Variants in MTX2 observed in about 807,000 individuals in gnomAD.
MTX2 encodes metaxin-2.
A neutral mutation model predicts 42.3 loss-of-function variants in MTX2; 35 were observed. The observed-to-expected ratio is 0.83, with a 90% CI of 0.63 to 1.10. MTX2 has a LOEUF of 1.10. Among genes scored for constraint, MTX2 ranks in the 50% least tolerant of loss-of-function variants. The pLI is 0.00. For missense variants in MTX2, 307 were observed against 304.1 expected (o/e 1.01, Z -0.07); for synonymous variants, 119 against 100.9 (o/e 1.18, Z -1.08).
At chr2:176,296,469 A>AT (rs1374633038) in intron 1 of MTX2, among the ~76,000 whole-genome samples, 1 of 151,982 alleles carries the variant, frequency 6.6e-6, no homozygotes, top group Admixed American at 6.6e-5. Flanking sequence ...TTTCACTACA[A>AT]TTTTTTGTAG....
intron 1 of MTX2, among the ~76,000 whole-genome samples, chr2:176,272,404 C>G (rs1195481647): frequency 3.3e-5 from 5 of 152,070 alleles, no homozygotes. Flanking sequence ...TTGCTAAAGG[C>G]TTAGATTTAT....
chr2:176,318,887 C>A (rs1684508633), intron 3 of MTX2, among the ~76,000 whole-genome samples: 1 of 152,270 alleles, frequency 6.6e-6, no homozygotes, highest in South Asian at 2.1e-4. Flanking sequence ...AGCCACTAGC[C>A]ACACGTGCCT....
At chr2:176,324,022 A>C (rs534625214) in intron 4 of MTX2, among the ~76,000 whole-genome samples, 19 of 151,686 alleles carry the variant, frequency 1.3e-4, no homozygotes, top group African/African-American at 4.6e-4. Context: ...TCTTTATGTC[A>C]GTAGATTAAA....
intron 1 of MTX2, among the ~76,000 whole-genome samples, chr2:176,287,358 T>G (rs527690298): frequency 6.6e-6 from 1 of 152,336 alleles, no homozygotes; most frequent in South Asian, 2.1e-4. Flanking sequence ...ATACACTGAG[T>G]ATCCCCAATT....
intron 9 of MTX2, among the ~76,000 whole-genome samples, chr2:176,331,501 A>G (rs1684863116): frequency 1.3e-5 from 2 of 151,214 alleles, no homozygotes; most frequent in South Asian, 4.1e-4. Context: ...CTATAACCAT[A>G]TCAAACATAT....
intron 3 of MTX2, among the ~76,000 whole-genome samples, chr2:176,313,388 CTTTTTTTTTT>C (rs1207416607): frequency 3.9e-5 from 4 of 103,510 alleles, no homozygotes; most frequent in Admixed American, 1.1e-4. Context: ...TACACTGATT[CTTTTTTTTTT>C]TTTTTTTTTT....
intron 3 of MTX2, among the ~76,000 whole-genome samples, chr2:176,308,189 G>A (rs1237653202): frequency 1.3e-5 from 2 of 152,138 alleles, no homozygotes; most frequent in East Asian, 1.9e-4. Flanking sequence ...CTGTTTATGT[G>A]ATGGATTACC....
intron 8 of MTX2, among the ~76,000 whole-genome samples, chr2:176,330,050 G>A (rs1684822817): frequency 6.6e-6 from 1 of 151,004 alleles, no homozygotes. Flanking sequence ...CCATCTCACT[G>A]ATGTGTGCCA....
At chr2:176,307,734 T>C (rs898994863) in intron 3 of MTX2, among the ~76,000 whole-genome samples, 1 of 152,202 alleles carries the variant, frequency 6.6e-6, no homozygotes, top group African/African-American at 2.4e-5. Flanking sequence ...ATGCTTGTGA[T>C]TTTTGCACAT....
At chr2:176,308,146 G>C (rs186861353) in intron 3 of MTX2, among the ~76,000 whole-genome samples, 1 of 152,024 alleles carries the variant, frequency 6.6e-6, no homozygotes, top group East Asian at 1.9e-4. Context: ...TTCTGCATCT[G>C]TTGAGATAAT....
chr2:176,325,783 A>C (rs1684693579), intron 4 of MTX2, among the ~76,000 whole-genome samples: 1 of 151,716 alleles, frequency 6.6e-6, no homozygotes, highest in African/African-American at 2.4e-5. Flanking sequence ...TTTTTGCAAG[A>C]TTTATAAAGC....
chr2:176,321,455 G>A (rs1287240801), intron 3 of MTX2, among the ~76,000 whole-genome samples: 1 of 152,160 alleles, frequency 6.6e-6, no homozygotes, highest in East Asian at 1.9e-4. Context: ...ATTTGGCAGT[G>A]AGTGACAGAA....
At chr2:176,324,842 A>G (rs1416678957) in intron 4 of MTX2, among the ~76,000 whole-genome samples, 2 of 151,754 alleles carry the variant, frequency 1.3e-5, no homozygotes, top group Admixed American at 6.6e-5. Context: ...GGCACTTTCT[A>G]CTAAGATATT....
At chr2:176,312,692 C>T (rs575384668) in intron 3 of MTX2, among the ~76,000 whole-genome samples, 1 of 151,788 alleles carries the variant, frequency 6.6e-6, no homozygotes, top group Admixed American at 6.6e-5. Flanking sequence ...GGTGAAACCC[C>T]ATCTCTACTA....
At chr2:176,325,732 A>G (rs1159844151) in intron 4 of MTX2, among the ~76,000 whole-genome samples, 1 of 151,808 alleles carries the variant, frequency 6.6e-6, no homozygotes, top group Non-Finnish European at 1.5e-5. Flanking sequence ...CCGAGTTAAG[A>G]AAACAATGTG....
At chr2:176,326,373 C>A (rs1316640170) in intron 4 of MTX2, among the ~76,000 whole-genome samples, 1 of 151,538 alleles carries the variant, frequency 6.6e-6, no homozygotes, top group Non-Finnish European at 1.5e-5. Context: ...GTATCAAAGA[C>A]TTAAAAGATG....
chr2:176,270,319 C>T (rs752943159), intron 1 of MTX2: 23 of 1,327,252 alleles, frequency 1.7e-5, no homozygotes, highest in Non-Finnish European at 2.2e-5. Context: ...TACAGGCGCC[C>T]GCCACCACGC....
intron 1 of MTX2, among the ~76,000 whole-genome samples, chr2:176,276,932 CTATA>C (rs753762115): frequency 3.5e-4 from 53 of 151,736 alleles, no homozygotes; most frequent in Non-Finnish European, 6.0e-4. Context: ...GCTCAGTAAA[CTATA>C]TAAAGGATGA....
chr2:176,275,427 T>C (rs554680327), intron 1 of MTX2, among the ~76,000 whole-genome samples: 1 of 151,968 alleles, frequency 6.6e-6, no homozygotes, highest in African/African-American at 2.4e-5. Context: ...TTAGTAGAGA[T>C]GGGATTTCAC....
Sources: allele counts gnomAD v4.1 joint callset (sites outside exome capture counted in the v4.1 genomes callset), GRCh38; gene constraint gnomAD v4.1.1; transcripts MANE v1.5; gene names NCBI Gene and HGNC (gene_info 2026-07-23, HGNC 2026-07-21).